The following SORCS1 variants were observed in gnomAD, a reference collection of about 807,000 sequenced individuals.
SORCS1 encodes VPS10 domain-containing receptor SorCS1.
In SORCS1, 60 loss-of-function variants were observed where a neutral mutation model predicts 146.1. That is an observed-to-expected ratio of 0.41 (90% CI 0.33 to 0.51). The LOEUF is 0.51. SORCS1 is among the 20% of genes least tolerant of loss of function. The pLI is 0.21. For missense variants in SORCS1, 1,352 were observed against 1,487.6 expected (o/e 0.91, Z 1.50); for synonymous variants, 637 against 584.0 (o/e 1.09, Z -1.31).
chr10:106,997,592 C>A (rs553386401), intron 1 of SORCS1, among the ~76,000 whole-genome samples: 2 of 152,210 alleles, frequency 1.3e-5, no homozygotes, highest in East Asian at 3.9e-4. Context: ...TAAACAAGAC[C>A]AGACAGAGTT....
intron 2 of SORCS1, among the ~76,000 whole-genome samples, chr10:106,924,509 C>G (rs925845929): frequency 4.6e-5 from 7 of 150,776 alleles, no homozygotes; most frequent in Non-Finnish European, 7.4e-5. Context: ...ATCTATCTAT[C>G]TATCTAATTT....
At chr10:106,879,018 T>C (rs1159688383) in intron 2 of SORCS1, among the ~76,000 whole-genome samples, 6 of 151,306 alleles carry the variant, frequency 4.0e-5, no homozygotes, top group East Asian at 2.0e-4. Context: ...GACATGGTGG[T>C]GGGCGCCTGT....
intron 1 of SORCS1, among the ~76,000 whole-genome samples, chr10:107,067,199 A>C (rs1251574914): frequency 6.6e-5 from 10 of 152,080 alleles, no homozygotes; most frequent in Non-Finnish European, 8.8e-5. Flanking sequence ...CTAAATGTGT[A>C]CTATCATTTC....
At chr10:106,953,603 T>C (rs986189002) in intron 2 of SORCS1, among the ~76,000 whole-genome samples, 2 of 152,096 alleles carry the variant, frequency 1.3e-5, no homozygotes, top group Non-Finnish European at 2.9e-5. Context: ...TTTCTCATTG[T>C]GTGAACATAA....
intron 3 of SORCS1, among the ~76,000 whole-genome samples, chr10:106,795,760 A>G (rs1946525415): frequency 1.3e-5 from 2 of 152,342 alleles, no homozygotes; most frequent in South Asian, 4.1e-4. Flanking sequence ...AAAGAGATTG[A>G]ATGGGAACAT....
chr10:107,090,918 G>T (rs1964136343), intron 1 of SORCS1, among the ~76,000 whole-genome samples: 1 of 110,852 alleles, frequency 9.0e-6, no homozygotes, highest in African/African-American at 4.0e-5. Context: ...CTATTCTAAA[G>T]TACACACACA....
At chr10:106,658,214 C>T (rs1399288717) in intron 17 of SORCS1, among the ~76,000 whole-genome samples, 2 of 152,052 alleles carry the variant, frequency 1.3e-5, no homozygotes, top group South Asian at 2.1e-4. Context: ...CTGACATGCG[C>T]CCTGAACCAA....
intron 1 of SORCS1, among the ~76,000 whole-genome samples, chr10:107,081,307 A>G (rs1963317635): frequency 1.3e-5 from 2 of 152,208 alleles, no homozygotes; most frequent in African/African-American, 4.8e-5. Flanking sequence ...AAAATTATCT[A>G]ATAGGAATCT....
At chr10:106,957,153 TG>T (rs1415388924) in intron 1 of SORCS1, among the ~76,000 whole-genome samples, 1 of 75,832 alleles carries the variant, frequency 1.3e-5, no homozygotes, top group African/African-American at 5.4e-5. Context: ...TATTAGCATG[TG>T]GTTTTTTTTT....
At chr10:107,168,755 G>A (rs1244501093), upstream of SORCS1, among the ~76,000 whole-genome samples, 1 of 149,772 alleles carries the variant, frequency 6.7e-6, no homozygotes, top group Non-Finnish European at 1.5e-5. Flanking sequence ...AGTAACTAGG[G>A]TCACACAGCA....
rs187066284 is a variant in SORCS1, at chr10:106,752,182, G to C, written c.959+9406C>G. Among the ~76,000 whole-genome samples, 4 of 152,228 alleles carry C rather than the reference G, an allele frequency of 2.6e-5. No homozygotes were observed. In the East Asian group the frequency reaches 7.7e-4, roughly 29 times the overall value. On this transcript the variant is annotated intron_variant, in intron 5 of 25. Coordinates refer to ENST00000263054, the MANE Select transcript of SORCS1 (RefSeq NM_052918.5). ...GCTTTTCCTACCAATCACATATATA[G>C]AGCTGCAATCTGGTACATGGTATGA...
intron 1 of SORCS1, among the ~76,000 whole-genome samples, chr10:107,017,382 G>T (rs748788305): frequency 6.6e-6 from 1 of 152,176 alleles, no homozygotes; most frequent in Non-Finnish European, 1.5e-5. Context: ...ACAAGTCTGT[G>T]CAAACAAAAC....
chr10:106,942,064 C>T (rs1435339996), intron 2 of SORCS1, among the ~76,000 whole-genome samples: 1 of 152,178 alleles, frequency 6.6e-6, no homozygotes, highest in Non-Finnish European at 1.5e-5. Flanking sequence ...GTGCCTTCTC[C>T]TAGAGAGCTG....
intron 3 of SORCS1, among the ~76,000 whole-genome samples, chr10:106,807,114 G>A (rs1402265293): frequency 6.6e-6 from 1 of 151,950 alleles, no homozygotes; most frequent in Admixed American, 6.6e-5. Flanking sequence ...TACTTAGCTT[G>A]TACTGCAGTG....
intron 2 of SORCS1, among the ~76,000 whole-genome samples, chr10:106,906,366 G>A (rs376431423): frequency 5.3e-5 from 8 of 152,086 alleles, no homozygotes; most frequent in East Asian, 3.9e-4. Flanking sequence ...TGCCGGCCTC[G>A]GCCTCCCAAA....
At chr10:106,915,177 G>A (rs766038076) in intron 2 of SORCS1, among the ~76,000 whole-genome samples, 11 of 152,092 alleles carry the variant, frequency 7.2e-5, no homozygotes, top group Non-Finnish European at 1.5e-4. Flanking sequence ...CCTCCAAAAT[G>A]GGTCCTGTTT....
intron 2 of SORCS1, among the ~76,000 whole-genome samples, chr10:106,942,259 G>A (rs867509898): frequency 1.3e-5 from 2 of 151,984 alleles, no homozygotes; most frequent in South Asian, 4.2e-4. Context: ...TGAATGGATC[G>A]AAGGTCCTAC....
At chr10:106,626,870 GTTCCATTATATGAGGCA>G (rs1189523528) in intron 19 of SORCS1, among the ~76,000 whole-genome samples, 2 of 152,216 alleles carry the variant, frequency 1.3e-5, no homozygotes, top group Non-Finnish European at 2.9e-5. Context: ...TTAGAAAGAA[GTTCCATTATATGAGGCA>G]TGCTTATCCA....
At chr10:106,578,914 T>C in intron 25 of SORCS1, 1 of 1,415,442 alleles carries the variant, frequency 7.1e-7, no homozygotes, top group Non-Finnish European at 9.2e-7. Context: ...AAGCAAGAGG[T>C]TTGTTTGTTT....
Sources: allele counts gnomAD v4.1 joint callset (sites outside exome capture counted in the v4.1 genomes callset), GRCh38; gene constraint gnomAD v4.1.1; transcripts MANE v1.5; gene names NCBI Gene and HGNC (gene_info 2026-07-23, HGNC 2026-07-21).